LRPPRC: variants seen among roughly 807,000 people sequenced by gnomAD.
The protein encoded by LRPPRC is leucine rich pentatricopeptide repeat containing.
Under a neutral mutation model 180.3 loss-of-function variants are expected in LRPPRC, and 120 were observed. The observed-to-expected ratio is 0.67, with a 90% CI of 0.57 to 0.77. LRPPRC has a LOEUF of 0.77. Ranked by LOEUF, LRPPRC falls within the 30% of genes least tolerant of loss-of-function variation. The pLI is 0.00. For missense variants in LRPPRC, 2,012 were observed against 1,657.2 expected (o/e 1.21, Z -3.72); for synonymous variants, 723 against 600.0 (o/e 1.21, Z -3.00).
intron 34 of LRPPRC, among the ~76,000 whole-genome samples, chr2:43,897,759 C>G (rs1324035160): frequency 3.1e-4 from 47 of 152,024 alleles, no homozygotes; most frequent in Non-Finnish European, 1.3e-4. Flanking sequence ...TGCTGCCACC[C>G]ACCCAGGCGG....
At chr2:43,949,817 T>G (rs916583784) in intron 15 of LRPPRC, among the ~76,000 whole-genome samples, 158 bp from the exon 16 acceptor site, 1 of 152,190 alleles carries the variant, frequency 6.6e-6, no homozygotes, top group Non-Finnish European at 1.5e-5. Context: ...AGGAGATTGT[T>G]TTGTTTTTAA....
chr2:43,909,352 AC>A (rs35613273), intron 30 of LRPPRC, among the ~76,000 whole-genome samples: 1 of 107,994 alleles, frequency 9.3e-6, no homozygotes, highest in South Asian at 2.3e-4. Context: ...CTCCCAAATA[AC>A]CCTGGTGGAT....
At chr2:43,901,627 C>A in intron 31 of LRPPRC, 103 bp from the exon 32 acceptor site, 1 of 737,580 alleles carries the variant, frequency 1.4e-6, no homozygotes, top group Non-Finnish European at 2.4e-6. Flanking sequence ...TGGCCATAAA[C>A]AAAAAGCTAT....
In LRPPRC at chr2:43,982,254, A is replaced by C; in HGVS notation, c.330T>G (p.Asn110Lys). 1 of 1,573,848 alleles carries C rather than the reference A, an allele frequency of 6.4e-7. No homozygotes were observed. The highest frequency in any genetic ancestry group is 1.7e-4 in the Middle Eastern group (1 of 5,836). Residue 110 changes from asparagine to lysine, a missense_variant, in exon 2 of 38, where the codon AAT (asparagine) becomes AAG (lysine). By Grantham distance (94) the Asn-to-Lys change is moderately conservative. Coordinates refer to ENST00000260665, the MANE Select transcript of LRPPRC (RefSeq NM_133259.4). ...TTGAAATACCTGAGCGGCAGGTATC[A>C]TTAAAAACTTTTTGTAGAAGCTTCT... The part of the protein sequence containing the change: ...IPKKLLQKVF[N>K]DTCRSGGLGG...
intron 14 of LRPPRC, 113 bp downstream of exon 14, chr2:43,957,272 T>G (rs1414406467): frequency 1.2e-6 from 1 of 804,942 alleles, no homozygotes; most frequent in Non-Finnish European, 2.2e-6. Flanking sequence ...TCAGGTAAAC[T>G]GAATGTACAC....
At chr2:43,994,541 C>T (rs116701083) in intron 1 of LRPPRC, among the ~76,000 whole-genome samples, 28 of 152,164 alleles carry the variant, frequency 1.8e-4, no homozygotes, top group Non-Finnish European at 2.8e-4. Context: ...TAAGTAACTT[C>T]TCTAATGGCA....
intron 1 of LRPPRC, among the ~76,000 whole-genome samples, chr2:43,983,928 T>G (rs1316857837): frequency 1.3e-5 from 2 of 152,122 alleles, no homozygotes; most frequent in Non-Finnish European, 2.9e-5. Flanking sequence ...ACCATCTAGG[T>G]ATAAAATAAT....
Position 43,943,843 on chromosome 2 carries a change from T to C in LRPPRC, c.2348A>G (p.Asp783Gly), listed in dbSNP as rs1009996596. 1.2e-6 allele frequency: 2 copies of C among 1,613,370 alleles called. No individual in the cohort carries two copies. The highest frequency in any genetic ancestry group is 1.7e-5 in the Admixed American group (1 of 60,000). Reference protein sequence around the residue: ...EMKEKDVLIKDTTALSFFHML... With the variant: ...EMKEKDVLIKGTTALSFFHML... ...GTGGAAAAAGGACAAGGCTGTTGTA[T>C]CTTTGATAAGAACATCCTTCTCTTT... Residue 783 changes from aspartate to glycine, a missense_variant, in exon 23 of 38, where the codon GAT (aspartate) becomes GGT (glycine). By Grantham distance (94) the Asp-to-Gly change is moderately conservative (BLOSUM62 -1). Coordinates refer to ENST00000260665, the MANE Select transcript of LRPPRC (RefSeq NM_133259.4).
intron 22 of LRPPRC, 92 bp downstream of exon 22, chr2:43,945,240 T>C: frequency 2.2e-6 from 2 of 894,164 alleles, no homozygotes; most frequent in Admixed American, 1.7e-5. Flanking sequence ...TCAAGCACTT[T>C]GCAGGACATG....
chr2:43,985,579 T>C (rs1674494368), intron 1 of LRPPRC, among the ~76,000 whole-genome samples: 1 of 152,248 alleles, frequency 6.6e-6, no homozygotes, highest in Non-Finnish European at 1.5e-5. Flanking sequence ...AGTTGCATCA[T>C]ACAGCATGCT....
rs1673948006 is a variant in LRPPRC, at chr2:43,974,220, G to A, written c.1085C>T (p.Pro362Leu). The change falls in exon 9 of 38, where the codon CCC becomes CTC. Residue 362 changes from proline (P) to leucine (L), a missense_variant. By Grantham distance (98) the Pro-to-Leu change is moderately conservative. Transcript: ENST00000260665. Reference protein sequence around the residue: ...DVALQILLACPVSKEDGPSVF... With the variant: ...DVALQILLACLVSKEDGPSVF... ...ACTTGGGCCATCTTCCTTTGATACG[G>A]GGCATGCTAGTAAAATTTGCAACGC... 1.9e-6 allele frequency: 3 copies of A among 1,610,712 alleles called. No individual in the cohort carries two copies. Among genetic ancestry groups the A allele is most frequent in the Non-Finnish European group, 2.5e-6 (3 of 1,177,054 alleles).
At chr2:43,895,047 AAG>A (rs1670631987) in intron 35 of LRPPRC, among the ~76,000 whole-genome samples, 1 of 152,216 alleles carries the variant, frequency 6.6e-6, no homozygotes, top group Non-Finnish European at 1.5e-5. Context: ...ACATACAAAA[AAG>A]AGCATTTCCA....
rs1374098859 is a variant in LRPPRC at position 43,886,622 on chromosome 2, T to A, written c.*1978A>T. The A allele has an allele frequency of 2.6e-5, 4 of 152,212 alleles. No homozygotes were observed. The highest frequency in any genetic ancestry group is 6.5e-5 in the Admixed American group (1 of 15,278). 9.4% of individuals were successfully genotyped at this position (152,212 alleles called of 1,614,324 possible). ...TTTCCTCTGTACCACACTCACATTTTACCAGAGTCCATATACAGGGCCAGT... is the reference window on the plus strand; with the variant it reads ...TTTCCTCTGTACCACACTCACATTTAACCAGAGTCCATATACAGGGCCAGT... On this transcript the variant is annotated 3_prime_UTR_variant, in exon 38 of 38. Coordinates refer to ENST00000260665, the MANE Select transcript of LRPPRC (RefSeq NM_133259.4).
At chr2:43,990,941 G>T (rs894017365) in intron 1 of LRPPRC, among the ~76,000 whole-genome samples, 3 of 151,748 alleles carry the variant, frequency 2.0e-5, no homozygotes, top group Non-Finnish European at 4.4e-5. Context: ...CACCTCCCGG[G>T]TTCAAGCAAT....
Position 43,943,755 on chromosome 2 carries a change from G to A in LRPPRC, c.2436C>T (p.Ile812=), listed in dbSNP as rs147867702. Residue 812 remains isoleucine (I), a synonymous_variant, in exon 23 of 38, where the codon ATC becomes ATT. Coordinates refer to ENST00000260665, the MANE Select transcript of LRPPRC (RefSeq NM_133259.4). ...IETVKQLHEA[I]VTLGLAEPST... ...ATGGTTCTGCTAACCCTAGAGTCAC[G>A]ATGGCTTCATGCAACTGTTTTACTG... is the stretch of plus-strand genomic sequence containing the variant. 1.2e-6 allele frequency: 2 copies of A among 1,613,478 alleles called. No homozygotes were observed. The highest frequency in any genetic ancestry group is 2.2e-5 in the East Asian group (1 of 44,870).
At position 43,973,691 on chromosome 2, in the gene LRPPRC, C is replaced by G; in HGVS notation, c.1285G>C (p.Ala429Pro). The change falls in exon 11 of 38, where the codon GCT (alanine) becomes CCT (proline). Residue 429 changes from alanine to proline, a missense_variant. Transcript: ENST00000260665. Reference sequence around the variant, plus strand: ...ATAGGAAAACCTTCCTCCTTCACAGCCTTCATTAAGGCTTTTGCCAAATCT... The same window carrying G: ...ATAGGAAAACCTTCCTCCTTCACAGGCTTCATTAAGGCTTTTGCCAAATCT... Reference protein sequence around the residue: ...KTDLAKALMKAVKEEGFPIRP... With the variant: ...KTDLAKALMKPVKEEGFPIRP... The G allele has an allele frequency of 6.2e-7, 1 of 1,613,796 alleles. No individual in the cohort carries two copies. Among genetic ancestry groups the G allele is most frequent in the Non-Finnish European group, 8.5e-7 (1 of 1,179,666 alleles).
chr2:43,962,756 T>C (rs1236656398), intron 12 of LRPPRC, among the ~76,000 whole-genome samples: 1 of 152,156 alleles, frequency 6.6e-6, no homozygotes, highest in Non-Finnish European at 1.5e-5. Context: ...AAGACTAGTA[T>C]ATATACTATT....
intron 11 of LRPPRC, among the ~76,000 whole-genome samples, chr2:43,971,501 A>AAAAAAAAAG (rs1673807744): frequency 2.0e-5 from 3 of 147,830 alleles, no homozygotes; most frequent in Admixed American, 1.3e-4. Flanking sequence ...AAAAAAAAAA[A>AAAAAAAAAG]AAAGAAAAAA....
chr2:43,987,857 A>G (rs552265184), intron 1 of LRPPRC, among the ~76,000 whole-genome samples: 140 of 152,268 alleles, frequency 9.2e-4, no homozygotes, highest in Admixed American at 3.6e-3. Flanking sequence ...AGTGCTTTCT[A>G]TGTATAAGGC....
Sources: gnomAD v4.1 joint callset for allele counts (sites outside exome capture counted in the v4.1 genomes callset) on GRCh38, gnomAD v4.1.1 for gene constraint, MANE v1.5 for transcripts, NCBI Gene and HGNC (gene_info 2026-07-23, HGNC 2026-07-21) for gene names.